RAD51B: variants seen among roughly 807,000 people sequenced by gnomAD.
The protein encoded by RAD51B is RAD51 paralog B.
Under a neutral mutation model 42.2 loss-of-function variants are expected in RAD51B, and 38 were observed. The observed-to-expected ratio is 0.90, with a 90% CI of 0.70 to 1.18. The LOEUF (loss-of-function observed/expected upper bound fraction) is 1.18, where lower values mean the gene tolerates loss of function less well. Among genes scored for constraint, RAD51B ranks in the 50% most tolerant of loss-of-function variants. The pLI is 0.00. For synonymous variants in RAD51B, 154 were observed against 145.2 expected (o/e 1.06, Z -0.43); for missense variants, 373 against 400.7 (o/e 0.93, Z 0.59).
chr14:68,102,390 A>G (rs577662667), intron 7 of RAD51B, among the ~76,000 whole-genome samples: 2 of 152,268 alleles, frequency 1.3e-5, no homozygotes, highest in African/African-American at 4.8e-5. Flanking sequence ...CTTTTTAAAC[A>G]TAGATTCCAA....
At chr14:68,413,062 A>G (rs1437526725) in intron 9 of RAD51B, among the ~76,000 whole-genome samples, 1 of 152,234 alleles carries the variant, frequency 6.6e-6, no homozygotes, top group East Asian at 1.9e-4. Context: ...TTATGATTTC[A>G]TCTATTATAT....
At chr14:68,414,677 G>A (rs1360349991) in intron 9 of RAD51B, among the ~76,000 whole-genome samples, 1 of 151,804 alleles carries the variant, frequency 6.6e-6, no homozygotes, top group East Asian at 1.9e-4. Context: ...ATCATCAGAG[G>A]CATATTAAGT....
At chr14:67,861,570 T>TCC in intron 4 of RAD51B, among the ~76,000 whole-genome samples, 2 of 136,918 alleles carry the variant, frequency 1.5e-5, no homozygotes, top group Non-Finnish European at 3.2e-5. Flanking sequence ...AGTGAGAACC[T>TCC]GTCTTTAAAA....
chr14:68,648,610 TCTGAAG>T (rs1330868659), intron 10 of RAD51B, among the ~76,000 whole-genome samples: 1 of 151,020 alleles, frequency 6.6e-6, no homozygotes, highest in Non-Finnish European at 1.5e-5. Context: ...CAAAATGCCC[TCTGAAG>T]CTTAACGAAG....
intron 7 of RAD51B, among the ~76,000 whole-genome samples, chr14:68,167,880 C>T (rs904673772): frequency 2.4e-4 from 36 of 152,242 alleles, no homozygotes; most frequent in African/African-American, 8.4e-4. Context: ...ATTTTTAAAA[C>T]AAGCTTATGA....
intron 9 of RAD51B, chr14:68,421,871 A>G: frequency 6.3e-7 from 1 of 1,595,940 alleles, no homozygotes; most frequent in Non-Finnish European, 8.6e-7. Context: ...ACTGGGAACC[A>G]TTTGTGTTGG....
At chr14:68,628,039 C>A (rs1450913135) in intron 10 of RAD51B, among the ~76,000 whole-genome samples, 2 of 152,182 alleles carry the variant, frequency 1.3e-5, no homozygotes, top group Non-Finnish European at 1.5e-5. Context: ...AAGAGCCGTT[C>A]ACCCAGCATA....
chr14:68,364,703 A>C (rs1488701565), intron 8 of RAD51B, among the ~76,000 whole-genome samples: 2 of 152,222 alleles, frequency 1.3e-5, no homozygotes, highest in African/African-American at 2.4e-5. Context: ...TCAAGGGAGC[A>C]GTAAGGTCTG....
At chr14:68,562,975 C>G (rs1343394054) in intron 10 of RAD51B, 5 of 985,312 alleles carry the variant, frequency 5.1e-6, no homozygotes, top group Non-Finnish European at 6.0e-6. Flanking sequence ...CCACGGAAGG[C>G]CCGGGCTGCT....
In RAD51B at chr14:68,275,460, A is replaced by G. The variant is rs540898283; in HGVS notation, c.757-16424A>G. On this transcript the variant is annotated intron_variant, in intron 7 of 10. Transcript: ENST00000471583. ...TGGACTTAAAAAAAAAAAGTAGTGG[A>G]ACAAATAAGGGGACTCTGCTTTGGT... Among the ~76,000 whole-genome samples, 6 of 151,870 alleles carry G rather than the reference A, an allele frequency of 4.0e-5. No individual in the cohort carries two copies. The South Asian group carries it at 8.3e-4, about 21-fold the overall frequency.
At chr14:67,872,626 G>A (rs1283668140) in intron 5 of RAD51B, among the ~76,000 whole-genome samples, 6 of 151,334 alleles carry the variant, frequency 4.0e-5, no homozygotes, top group Admixed American at 6.6e-5. Flanking sequence ...AGCCCGCATC[G>A]CCAAGTCAAT....
chr14:68,058,521 C>T (rs1218366418), intron 7 of RAD51B, among the ~76,000 whole-genome samples: 1 of 152,164 alleles, frequency 6.6e-6, no homozygotes, highest in African/African-American at 2.4e-5. Flanking sequence ...GTAGGCATAT[C>T]TGTTTTTCTT....
In RAD51B at chr14:68,133,310, G is replaced by C. The variant is rs185600693; in HGVS notation, c.757-158574G>C. Among the ~76,000 whole-genome samples, 127 of 152,172 alleles carry C rather than the reference G, an allele frequency of 8.3e-4. 1 individual carries two copies. The highest frequency in any genetic ancestry group is 1.4e-3 in the Non-Finnish European group (98 of 68,010). On this transcript the variant is annotated intron_variant, in intron 7 of 10. Coordinates refer to ENST00000471583, the MANE Select transcript of RAD51B (RefSeq NM_133510.4). Reference sequence around the variant, plus strand: ...AAGGATTACTCTGTTTGGAAACTGAGGAATATTTATTCAGCTGTTTTTGAA... The same window carrying C: ...AAGGATTACTCTGTTTGGAAACTGACGAATATTTATTCAGCTGTTTTTGAA...
intron 9 of RAD51B, among the ~76,000 whole-genome samples, chr14:68,458,037 A>T (rs913497177): frequency 2.0e-5 from 3 of 151,816 alleles, no homozygotes; most frequent in African/African-American, 7.2e-5. Flanking sequence ...ATGCTAAAGT[A>T]GTTAGAGAAA....
chr14:68,432,414 G>A (rs1410405800), intron 9 of RAD51B, among the ~76,000 whole-genome samples: 3 of 152,136 alleles, frequency 2.0e-5, no homozygotes, highest in Admixed American at 6.5e-5. Flanking sequence ...CTAAGGACTC[G>A]CTTTATGAAT....
intron 10 of RAD51B, among the ~76,000 whole-genome samples, chr14:68,643,233 G>T (rs550557287): frequency 6.6e-6 from 1 of 152,070 alleles, no homozygotes; most frequent in Non-Finnish European, 1.5e-5. Context: ...CTTATTGGAG[G>T]GCTGAACCCT....
chr14:67,842,514 C>T (rs1024861098), intron 4 of RAD51B, among the ~76,000 whole-genome samples: 1 of 152,094 alleles, frequency 6.6e-6, no homozygotes, highest in Non-Finnish European at 1.5e-5. Context: ...GGACTATAGG[C>T]GTGCACTACC....
intron 10 of RAD51B, among the ~76,000 whole-genome samples, chr14:68,490,017 C>G (rs1030457160): frequency 4.6e-5 from 7 of 152,094 alleles, no homozygotes; most frequent in African/African-American, 1.4e-4. Context: ...TAAAGACAGA[C>G]TGGGAAGCTG....
At chr14:68,357,580 A>C (rs1483980780) in intron 8 of RAD51B, among the ~76,000 whole-genome samples, 2 of 152,098 alleles carry the variant, frequency 1.3e-5, no homozygotes, top group East Asian at 3.9e-4. Flanking sequence ...ATAGCCTTAC[A>C]AATTGTATTT....
Sources: gnomAD v4.1 joint callset for allele counts (sites outside exome capture counted in the v4.1 genomes callset) on GRCh38, gnomAD v4.1.1 for gene constraint, MANE v1.5 for transcripts, NCBI Gene and HGNC (gene_info 2026-07-23, HGNC 2026-07-21) for gene names.